PTBP1: variants seen among roughly 807,000 people sequenced by gnomAD.
The protein encoded by PTBP1 is polypyrimidine tract-binding protein 1.
In PTBP1, 8 loss-of-function variants were observed where a neutral mutation model predicts 59.8. The observed-to-expected ratio is 0.13, with a 90% CI of 0.08 to 0.24. The LOEUF is 0.24. Among genes scored for constraint, PTBP1 ranks in the 10% least tolerant of loss-of-function variants. The pLI, the probability that PTBP1 is intolerant of heterozygous loss-of-function variation, is 1.00. For synonymous variants in PTBP1, 490 were observed against 320.7 expected, an observed-to-expected ratio of 1.53 and a Z score of -5.64; for missense variants, 686 against 767.0, an observed-to-expected ratio of 0.89 and a Z score of 1.25.
rs1351708041 is a variant in PTBP1, at chr19:804,222, G to GT, written c.288+17dup. 15 of 1,606,542 alleles carry GT rather than the reference G, an allele frequency of 9.3e-6. No individual in the cohort carries two copies. The highest frequency in any genetic ancestry group is 1.2e-5 in the Non-Finnish European group (14 of 1,174,992). The stretch of plus-strand genomic sequence containing the variant: ...GGGAAAAACCAGGTACCTGAGCCGC[G>GT]TTTCTCCGGGGTGCTCACACCGTGC... On this transcript the variant is annotated intron_variant, in intron 4 of 14. Coordinates refer to ENST00000356948, the MANE Select transcript of PTBP1 (RefSeq NM_002819.5).
In PTBP1 at chr19:810,675, C is replaced by T; in HGVS notation, c.1542-19C>T. The T allele has an allele frequency of 6.2e-7, 1 of 1,611,930 alleles. No individual in the cohort carries two copies. Among genetic ancestry groups the T allele is most frequent in the Non-Finnish European group, 8.5e-7 (1 of 1,179,356 alleles). ...TCCCCAGGCTGCCCTGCGGCCGGCC[C>T]TGACCCCCTGTCTTGCAGGAAGGAC... On this transcript the variant is annotated intron_variant, in intron 14 of 14. Coordinates refer to ENST00000356948, the MANE Select transcript of PTBP1 (RefSeq NM_002819.5).
At chr19:800,898 C>A (rs560247065) in intron 2 of PTBP1, among the ~76,000 whole-genome samples, 2 of 152,174 alleles carry the variant, frequency 1.3e-5, no homozygotes, top group Middle Eastern at 3.4e-3. Context: ...GACGTTGAAG[C>A]CCAGCCAGGA....
rs140521596 is a variant in PTBP1, at chr19:805,201, C to T, written c.892+14C>T. 170 of 1,611,948 alleles carry T rather than the reference C, an allele frequency of 1.1e-4. No individual in the cohort carries two copies. The highest frequency in any genetic ancestry group is 1.9e-4 in the African/African-American group (14 of 74,914). On this transcript the variant is annotated intron_variant, in intron 8 of 14. Transcript: ENST00000356948. ...CCGCGGCCTTCGGTAAGAGGCTGCC[C>T]GACGCGGCGCCAGTGTGCAGAGTGG...
intron 10 of PTBP1, chr19:807,405 G>C (rs1005840809): frequency 6.3e-6 from 1 of 158,972 alleles, no homozygotes; most frequent in South Asian, 1.8e-4. Context: ...TGTCTCTGCC[G>C]GCATGTGAGT....
At chr19:801,520 A>G (rs1283957768) in intron 2 of PTBP1, among the ~76,000 whole-genome samples, 2 of 152,338 alleles carry the variant, frequency 1.3e-5, no homozygotes, top group East Asian at 1.9e-4. Flanking sequence ...AGTCAAAGAC[A>G]GGGTCCAAGA....
At chr19:798,246 C>T (rs1777776330) in intron 1 of PTBP1, among the ~76,000 whole-genome samples, 2 of 152,098 alleles carry the variant, frequency 1.3e-5, no homozygotes, top group South Asian at 2.1e-4. Flanking sequence ...AGGGGCCTTC[C>T]CGGCTCTCGG....
chr19:806,712 C>T (rs1360245600), intron 10 of PTBP1, 156 bp downstream of exon 10: 8 of 619,274 alleles, frequency 1.3e-5, no homozygotes, highest in East Asian at 3.5e-5. Context: ...CCTCCTTTTC[C>T]AAGATGGCTT....
rs1358986470 is a variant in PTBP1, at chr19:804,610, G to A, written c.514G>A (p.Asp172Asn). 2.5e-6 allele frequency: 4 copies of A among 1,612,480 alleles called. No homozygotes were observed. Among genetic ancestry groups the A allele is most frequent in the Non-Finnish European group, 2.5e-6 (3 of 1,179,768 alleles). The change falls in exon 6 of 15, where the codon GAC becomes AAC. Residue 172 changes from aspartate to asparagine, a missense_variant. By Grantham distance (23) the Asp-to-Asn change is conservative (BLOSUM62 1). Coordinates refer to ENST00000356948, the MANE Select transcript of PTBP1 (RefSeq NM_002819.5). Reference sequence around the variant, plus strand: ...CTTGGCTGCCTCGGCGGCGGCCGTGGACGCAGGGATGGCGATGGCCGGGCA... The same window carrying A: ...CTTGGCTGCCTCGGCGGCGGCCGTGAACGCAGGGATGGCGATGGCCGGGCA... ...LALAASAAAV[D>N]AGMAMAGQSP...
At position 805,298 on chromosome 19, in the gene PTBP1, G is replaced by GCT. The variant is rs936325523; in HGVS notation, c.892+116_892+117dup. 5.4e-5 allele frequency: 72 copies of GCT among 1,341,548 alleles called. No homozygotes were observed. The African/African-American group carries it at 8.7e-4, about 16-fold the overall frequency. 83.1% of individuals were successfully genotyped at this position (1,341,548 alleles called of 1,614,324 possible). The stretch of plus-strand genomic sequence containing the variant: ...CCTGCACCAGGGTGATGCACCTGCT[G>GCT]CTCTCTGCACGGCCAGCACAGCACG... On this transcript the variant is annotated intron_variant, in intron 8 of 14. Transcript: ENST00000356948.
chr19:805,799 T>C (rs2034537242), intron 9 of PTBP1: 2 of 562,930 alleles, frequency 3.6e-6, no homozygotes, highest in South Asian at 4.0e-5. Context: ...AAGCCGCTAA[T>C]CGCACAGTCT....
At chr19:800,429 G>A (rs2145025155) in intron 2 of PTBP1, among the ~76,000 whole-genome samples, 1 of 152,304 alleles carries the variant, frequency 6.6e-6, no homozygotes, top group South Asian at 2.1e-4. Context: ...CTGGGGAGGC[G>A]ATTCTCGAGG....
chr19:797,800 C>T (rs1410175324), intron 1 of PTBP1, among the ~76,000 whole-genome samples: 1 of 148,660 alleles, frequency 6.7e-6, no homozygotes, highest in Non-Finnish European at 1.5e-5. Flanking sequence ...CGCACTTCGC[C>T]TTTGCCCCGC....
intron 13 of PTBP1, among the ~76,000 whole-genome samples, chr19:809,092 T>TCCGC: frequency 6.6e-6 from 1 of 151,922 alleles, no homozygotes. Context: ...CACTGCAACC[T>TCCGC]CCGCCTCTTG....
rs1568273911 is a variant in PTBP1 at position 808,276 on chromosome 19, T to A, written c.1154-84T>A. ...CCCGGCCGGGCTGAGCCGGGCCTTG[T>A]GGGGGTGCGCGGGGCCGGGGCTGAC... On this transcript the variant is annotated intron_variant, in intron 11 of 14. Coordinates refer to ENST00000356948, the MANE Select transcript of PTBP1 (RefSeq NM_002819.5). The surrounding 1 kb of genome is among the most constrained non-coding windows in gnomAD (Gnocchi z 4.7). The A allele has an allele frequency of 1.7e-6, 2 of 1,152,750 alleles. No individual in the cohort carries two copies. The highest frequency in any genetic ancestry group is 5.1e-5 in the East Asian group (2 of 38,916). 71.4% of individuals were successfully genotyped at this position (1,152,750 alleles called of 1,614,324 possible).
chr19:806,644 C>A, intron 10 of PTBP1, 88 bp downstream of exon 10: 1 of 1,311,962 alleles, frequency 7.6e-7, no homozygotes, highest in Non-Finnish European at 1.0e-6. Context: ...GGAGCAGCGC[C>A]GCCCCTCGCT....
intron 10 of PTBP1, chr19:806,907 G>A (rs2034607988): frequency 1.5e-5 from 3 of 199,748 alleles, no homozygotes; most frequent in South Asian, 3.4e-4. Context: ...TTAGCGCGGC[G>A]GGGTGTGGGC....
chr19:801,330 G>A (rs1044196944), intron 2 of PTBP1, among the ~76,000 whole-genome samples: 5 of 152,208 alleles, frequency 3.3e-5, no homozygotes, highest in African/African-American at 7.2e-5. Context: ...TGTCCCTTCC[G>A]TTCTGCTGGG....
At position 808,920 on chromosome 19, in the gene PTBP1, C is replaced by T. The variant is rs62131354; in HGVS notation, c.1463+158C>T. Among the ~76,000 whole-genome samples the T allele has an allele frequency of 0.28, 42,114 of 152,020 alleles. 6,234 individuals carry two copies. Among genetic ancestry groups the T allele is most frequent in the Admixed American group, 0.39 (5,943 of 15,278 alleles). Reference sequence around the variant, plus strand: ...GTACTGCAAGGCCTGGAGCTTGAGCCGAGGGCTGCTCAAGGGAGGGGGTCG... The same window carrying T: ...GTACTGCAAGGCCTGGAGCTTGAGCTGAGGGCTGCTCAAGGGAGGGGGTCG... On this transcript the variant is annotated intron_variant, in intron 13 of 14. Coordinates refer to ENST00000356948, the MANE Select transcript of PTBP1 (RefSeq NM_002819.5). This position sits in a 1 kb window ranked among gnomAD's most constrained non-coding sequence, Gnocchi z 4.7.
chr19:802,837 A>G (rs1293996374), intron 2 of PTBP1, among the ~76,000 whole-genome samples: 2 of 152,222 alleles, frequency 1.3e-5, no homozygotes, highest in African/African-American at 2.4e-5. Context: ...TGATCCAATT[A>G]CATAGAAATA....
Sources: allele counts gnomAD v4.1 joint callset (sites outside exome capture counted in the v4.1 genomes callset), GRCh38; gene constraint gnomAD v4.1.1; non-coding constraint Gnocchi (gnomAD v3.1); transcripts MANE v1.5; gene names NCBI Gene and HGNC (gene_info 2026-07-23, HGNC 2026-07-21).